PHACTR1: variants seen among roughly 807,000 people sequenced by gnomAD.
PHACTR1 encodes the protein phosphatase and actin regulator 1, also known as RPEL repeat containing 1.
PHACTR1 carries 16 observed loss-of-function variants against 69.2 expected under a neutral mutation model. The ratio of observed to expected loss-of-function variants is 0.23; its 90% CI spans 0.16 to 0.35. The LOEUF is 0.35. PHACTR1 is among the 10% of genes least tolerant of loss of function. The probability of loss-of-function intolerance (pLI) is 1.00; values close to 1 mark genes in which losing one functional copy is unlikely to be tolerated. For synonymous variants in PHACTR1, 312 were observed against 284.5 expected (o/e 1.10, Z -0.97); for missense variants, 510 against 734.7 (o/e 0.69, Z 3.54).
chr6:12,873,316 C>A (rs1016630267), intron 4 of PHACTR1, among the ~76,000 whole-genome samples: 1 of 152,022 alleles, frequency 6.6e-6, no homozygotes, highest in African/African-American at 2.4e-5. Context: ...CTTGCCTGGC[C>A]TAATATCTTT....
intron 4 of PHACTR1, among the ~76,000 whole-genome samples, chr6:12,880,931 A>C (rs8180628): frequency 6.6e-6 from 1 of 151,994 alleles, no homozygotes; most frequent in Non-Finnish European, 1.5e-5. Flanking sequence ...ATCTTTTATC[A>C]TGTAGATTTT....
intron 4 of PHACTR1, among the ~76,000 whole-genome samples, chr6:12,998,995 T>C (rs138180396): frequency 1.6e-3 from 251 of 152,324 alleles, no homozygotes; most frequent in African/African-American, 5.7e-3. Flanking sequence ...TTTCATACAC[T>C]GTTGATGAGA....
intron 4 of PHACTR1, among the ~76,000 whole-genome samples, chr6:12,929,699 C>G (rs752638449): frequency 4.6e-5 from 7 of 152,192 alleles, no homozygotes; most frequent in African/African-American, 7.2e-5. Flanking sequence ...ACAGCCAAAG[C>G]CTGGAACTTC....
chr6:13,215,421 G>A (rs1020696576), intron 8 of PHACTR1, among the ~76,000 whole-genome samples: 2 of 152,216 alleles, frequency 1.3e-5, no homozygotes, highest in African/African-American at 4.8e-5. Flanking sequence ...AGATGGAGAG[G>A]AGAATGGGAA....
intron 4 of PHACTR1, among the ~76,000 whole-genome samples, chr6:12,845,422 A>ACC (rs879435671): frequency 0.01 from 129 of 12,758 alleles, no homozygotes; most frequent in East Asian, 0.029. Context: ...CATTGTGAAC[A>ACC]CCACCCACCC....
chr6:13,152,365 G>T lies in PHACTR1; in HGVS notation c.416-7839G>T, dbSNP rs1317844286. Among the ~76,000 whole-genome samples, 3 of 152,094 alleles carry T rather than the reference G, an allele frequency of 2.0e-5. No homozygotes were observed. The East Asian group carries it at 5.8e-4, about 29-fold the overall frequency. On this transcript the variant is annotated intron_variant, in intron 5 of 14. Transcript: ENST00000332995. ...AAAAAAATTCATCAATGTCAAAGAG[G>T]CATAGGATTCCCTGGCTCATCACAA...
At chr6:13,053,899 G>A (rs1314409292) in intron 5 of PHACTR1, among the ~76,000 whole-genome samples, 1 of 152,176 alleles carries the variant, frequency 6.6e-6, no homozygotes, top group African/African-American at 2.4e-5. Context: ...ACACATAGCA[G>A]AAAACAAGTT....
At chr6:12,897,080 A>T (rs925855365) in intron 4 of PHACTR1, among the ~76,000 whole-genome samples, 2 of 152,196 alleles carry the variant, frequency 1.3e-5, no homozygotes, top group African/African-American at 4.8e-5. Flanking sequence ...CCCAGCAGGG[A>T]TGATCACACA....
At chr6:12,865,885 A>G (rs1054478621) in intron 4 of PHACTR1, among the ~76,000 whole-genome samples, 3 of 152,128 alleles carry the variant, frequency 2.0e-5, no homozygotes, top group East Asian at 1.9e-4. Flanking sequence ...AGATGGCTCA[A>G]TGATGAAGTT....
Position 12,924,540 on chromosome 6 carries a change from C to T in PHACTR1, c.251-128825C>T, listed in dbSNP as rs961164591. Among the ~76,000 whole-genome samples the T allele has an allele frequency of 4.6e-5, 7 of 151,942 alleles. No homozygotes were observed. In the East Asian group the frequency reaches 7.7e-4, roughly 17 times the overall value. ...CTGTAATCCCAGCACTTTGGGAGGC[C>T]GAGGTGGGTGGATCACAAGGTCAGA... On this transcript the variant is annotated intron_variant, in intron 4 of 14. Transcript: ENST00000332995.
At chr6:12,914,318 C>T (rs1280897097) in intron 4 of PHACTR1, among the ~76,000 whole-genome samples, 5 of 152,178 alleles carry the variant, frequency 3.3e-5, no homozygotes, top group African/African-American at 9.6e-5. Flanking sequence ...CTTCTTCCAG[C>T]TTCTGCTAGG....
chr6:13,238,849 A>G (rs1454222194), intron 10 of PHACTR1, among the ~76,000 whole-genome samples: 1 of 152,216 alleles, frequency 6.6e-6, no homozygotes, highest in Non-Finnish European at 1.5e-5. Flanking sequence ...AAAAGGCTCT[A>G]TGATGTCAAT....
chr6:13,224,772 G>A (rs1047992937), intron 8 of PHACTR1, among the ~76,000 whole-genome samples: 3 of 152,172 alleles, frequency 2.0e-5, no homozygotes, highest in African/African-American at 7.2e-5. Flanking sequence ...CAGTAGTTTT[G>A]TAGACTTGAG....
intron 4 of PHACTR1, among the ~76,000 whole-genome samples, chr6:12,860,907 C>A (rs1274610534): frequency 6.6e-6 from 1 of 152,244 alleles, no homozygotes; most frequent in Middle Eastern, 3.4e-3. Context: ...ATGTATTATA[C>A]AAACTCTACT....
chr6:12,765,610 C>G (rs1284991373), intron 4 of PHACTR1, among the ~76,000 whole-genome samples: 2 of 152,102 alleles, frequency 1.3e-5, no homozygotes, highest in Non-Finnish European at 1.5e-5. Context: ...AGCTCTAGAG[C>G]AAGGAGACAA....
intron 4 of PHACTR1, among the ~76,000 whole-genome samples, chr6:13,028,975 G>GAAGA (rs918252557): frequency 2.6e-5 from 4 of 152,178 alleles, no homozygotes; most frequent in Non-Finnish European, 5.9e-5. Context: ...GGGAAGGAAG[G>GAAGA]AAGAGTAGGT....
In PHACTR1 at chr6:13,221,847, C is replaced by A. The variant is rs181964356; in HGVS notation, c.987-5969C>A. On this transcript the variant is annotated intron_variant, in intron 8 of 14. Coordinates refer to ENST00000332995, the MANE Select transcript of PHACTR1 (RefSeq NM_030948.6). ...GGTTGGGAATTCAAGACCAGCCTGG[C>A]CAAGATGGTGAAACCCTGCCTCTAC... Among the ~76,000 whole-genome samples the A allele has an allele frequency of 2.6e-5, 4 of 152,234 alleles. No homozygotes were observed. The East Asian group carries it at 7.7e-4, about 29-fold the overall frequency.
At chr6:12,917,710 G>A (rs1202948489) in intron 4 of PHACTR1, among the ~76,000 whole-genome samples, 1 of 152,052 alleles carries the variant, frequency 6.6e-6, no homozygotes, top group Non-Finnish European at 1.5e-5. Context: ...AATTACGACT[G>A]TGCCACTACA....
At chr6:13,145,122 A>G (rs1009027728) in intron 5 of PHACTR1, among the ~76,000 whole-genome samples, 5 of 152,228 alleles carry the variant, frequency 3.3e-5, no homozygotes, top group Non-Finnish European at 5.9e-5. Flanking sequence ...CTGCTTTGGT[A>G]TAAAAGTCTT....
Sources: allele counts gnomAD v4.1 joint callset (sites outside exome capture counted in the v4.1 genomes callset), GRCh38; gene constraint gnomAD v4.1.1; transcripts MANE v1.5; gene names NCBI Gene and HGNC (gene_info 2026-07-23, HGNC 2026-07-21).